PTCHD1: variants seen among roughly 807,000 people sequenced by gnomAD.
PTCHD1 encodes patched domain containing 1.
A neutral mutation model predicts 34.6 loss-of-function variants in PTCHD1; 3 were observed. That is an observed-to-expected ratio of 0.09 (90% CI 0.04 to 0.22). The LOEUF (loss-of-function observed/expected upper bound fraction) is 0.22, where lower values mean the gene tolerates loss of function less well. PTCHD1 is among the 10% of genes least tolerant of loss of function. The pLI, the probability that PTCHD1 is intolerant of heterozygous loss-of-function variation, is 1.00. For synonymous variants in PTCHD1, 305 were observed against 283.1 expected, an observed-to-expected ratio of 1.08 and a Z score of -0.77; for missense variants, 504 against 685.5, an observed-to-expected ratio of 0.74 and a Z score of 2.96.
chrX:23,387,668 C>T (rs190351458), intron 2 of PTCHD1, among the ~76,000 whole-genome samples: 1 of 111,754 alleles, frequency 8.9e-6, no homozygotes, highest in Admixed American at 9.5e-5. Context: ...CTGACAAAAA[C>T]CTCGAGCTGC....
rs1922964484 is a variant in PTCHD1, at chrX:23,395,441, T to G, written c.*1256T>G. 8.9e-6 allele frequency: 1 copy of G among 111,872 alleles called. No individual in the cohort carries two copies. The highest frequency in any genetic ancestry group is 3.3e-5 in the African/African-American group (1 of 30,719). The allele number at this position is 111,872 out of a possible 1,213,427, so 9.2% of individuals were successfully genotyped here. A position where few individuals can be genotyped will look rare whatever the true frequency, so the allele number is the denominator to read the frequency against. On this transcript the variant is annotated 3_prime_UTR_variant, in exon 3 of 3. Transcript: ENST00000379361. ...GGAAAACACTGGAAAAAGTATTCAC[T>G]GATACAAATCTATCAATGATGGCAG...
At chrX:23,364,663 G>A (rs1225312584) in intron 1 of PTCHD1, among the ~76,000 whole-genome samples, 1 of 112,062 alleles carries the variant, frequency 8.9e-6, no homozygotes. Flanking sequence ...ATCACTGCCT[G>A]GGAAGGAATC....
intron 1 of PTCHD1, among the ~76,000 whole-genome samples, chrX:23,344,244 AG>A (rs1346694016): frequency 2.7e-5 from 3 of 112,197 alleles, no homozygotes; most frequent in Admixed American, 9.4e-5. Flanking sequence ...TCTTTGGGCA[AG>A]TCACCTAACC....
Position 23,396,411 on chromosome X carries a change from A to C in PTCHD1, c.*2226A>C, listed in dbSNP as rs1249396135. The C allele has an allele frequency of 5.3e-5, 6 of 112,164 alleles. No individual in the cohort carries two copies. Among genetic ancestry groups the C allele is most frequent in the African/African-American group, 1.6e-4 (5 of 30,882 alleles). 9.2% of individuals were successfully genotyped at this position (112,164 alleles called of 1,213,427 possible). On this transcript the variant is annotated 3_prime_UTR_variant, in exon 3 of 3. Transcript: ENST00000379361. ...CCCGCAACTAGGCTATTATTCATAAAACACAACTGAAGAGGGGATTGGTTT... is the reference window on the plus strand; with the variant it reads ...CCCGCAACTAGGCTATTATTCATAACACACAACTGAAGAGGGGATTGGTTT...
intron 2 of PTCHD1, among the ~76,000 whole-genome samples, chrX:23,389,616 T>A (rs769467595): frequency 8.9e-6 from 1 of 111,919 alleles, no homozygotes; most frequent in African/African-American, 3.2e-5. Context: ...GGAGGCAAAG[T>A]CAGGCACAAC....
chrX:23,370,765 A>C (rs941262507), intron 1 of PTCHD1, among the ~76,000 whole-genome samples: 3 of 112,439 alleles, frequency 2.7e-5, no homozygotes, highest in African/African-American at 9.7e-5. Context: ...TTTTTGATTT[A>C]ACAGTATTAT....
At chrX:23,334,841 G>T (rs1921117012), upstream of PTCHD1, 5 of 1,035,932 alleles carry the variant, frequency 4.8e-6, no homozygotes, top group Non-Finnish European at 6.4e-6. Context: ...CCGAGCGTGC[G>T]CCTCGCCCTC....
In PTCHD1 at chrX:23,380,088, C is replaced by T; in HGVS notation, c.849C>T (p.Ala283=). ...VTSLILVVTM[A]ILCCSMQDCV... Reference sequence around the variant, plus strand: ...GCCTGATTCTGGTGGTTACCATGGCCATCCTGTGTTGCTCTATGCAGGACT... The same window carrying T: ...GCCTGATTCTGGTGGTTACCATGGCTATCCTGTGTTGCTCTATGCAGGACT... Residue 283 remains alanine, a synonymous_variant, in exon 2 of 3, where the codon GCC becomes GCT. Coordinates refer to ENST00000379361, the MANE Select transcript of PTCHD1 (RefSeq NM_173495.3). 8.3e-7 allele frequency: 1 copy of T among 1,211,962 alleles called. No individual in the cohort carries two copies. Among genetic ancestry groups the T allele is most frequent in the Non-Finnish European group, 1.1e-6 (1 of 895,479 alleles).
Position 23,393,083 on chromosome X carries a change from T to A in PTCHD1, c.1565T>A (p.Val522Asp). 2 of 1,211,287 alleles carry A rather than the reference T, an allele frequency of 1.7e-6. No homozygotes were observed. The highest frequency in any genetic ancestry group is 2.2e-6 in the Non-Finnish European group (2 of 894,906). The stretch of plus-strand genomic sequence containing the variant: ...TTTGCCTTAATGGGCTATCTGCAGG[T>A]CAGTGAAGGGTCAGACCTTAGTAAC... ...ISFALMGYLQ[V>D]SEGSDLSNIV... The change falls in exon 3 of 3, where the codon GTC becomes GAC. Residue 522 changes from valine (V) to aspartate (D), a missense_variant. Physicochemically the swap from Val to Asp is radical, Grantham distance 152 (BLOSUM62 -3). Transcript: ENST00000379361.
At chrX:23,388,786 G>A (rs933190611) in intron 2 of PTCHD1, among the ~76,000 whole-genome samples, 2 of 110,926 alleles carry the variant, frequency 1.8e-5, no homozygotes, top group Admixed American at 9.5e-5. Flanking sequence ...AGCAGAGATT[G>A]TGCCACTGCA....
At chrX:23,387,552 C>A (rs1439115349) in intron 2 of PTCHD1, among the ~76,000 whole-genome samples, 1 of 111,899 alleles carries the variant, frequency 8.9e-6, no homozygotes, top group Non-Finnish European at 1.9e-5. Flanking sequence ...TATTAGATGA[C>A]AACCCCAAAG....
chrX:23,388,945 G>C (rs1922754560), intron 2 of PTCHD1, among the ~76,000 whole-genome samples: 1 of 112,035 alleles, frequency 8.9e-6, no homozygotes, highest in African/African-American at 3.2e-5. Flanking sequence ...GCCTCTCCTT[G>C]ACTCCAGGTG....
At position 23,381,843 on chromosome X, in the gene PTCHD1, C is replaced by T. The variant is rs140462196; in HGVS notation, c.1012+1592C>T. Among the ~76,000 whole-genome samples, 283 of 111,742 alleles carry T rather than the reference C, an allele frequency of 2.5e-3. 1 individual carries two copies. The highest frequency in any genetic ancestry group is 8.8e-3 in the African/African-American group (271 of 30,715). On this transcript the variant is annotated intron_variant, in intron 2 of 2. Coordinates refer to ENST00000379361, the MANE Select transcript of PTCHD1 (RefSeq NM_173495.3). ...TGCCGCTTTAAAATCACCCCAAGAC[C>T]GTGTGGGTTGACTGTGGAATACAGA...
chrX:23,363,995 C>A (rs1021478660), intron 1 of PTCHD1, among the ~76,000 whole-genome samples: 2 of 112,444 alleles, frequency 1.8e-5, no homozygotes, highest in African/African-American at 6.5e-5. Flanking sequence ...GGTATTTTCA[C>A]ACAATGGACT....
chrX:23,339,045 G>C (rs979418361), intron 1 of PTCHD1, among the ~76,000 whole-genome samples: 1 of 111,660 alleles, frequency 9.0e-6, no homozygotes, highest in African/African-American at 3.2e-5. Flanking sequence ...TCCTGATTGA[G>C]TGCTGCTCAT....
rs1036393632 is a variant in PTCHD1, at chrX:23,404,027, C to A, written c.*9842C>A. 8.9e-6 allele frequency: 1 copy of A among 112,254 alleles called. No homozygotes were observed. Among genetic ancestry groups the A allele is most frequent in the Non-Finnish European group, 1.9e-5 (1 of 53,274 alleles). 9.3% of individuals were successfully genotyped at this position (112,254 alleles called of 1,213,427 possible). A position where few individuals can be genotyped will look rare whatever the true frequency, so the allele number is the denominator to read the frequency against. Reference sequence around the variant, plus strand: ...GATGATTGGCAATTCCACCGTTCCTCTCCATCTGACCAGCTTTCACCAGAG... The same window carrying A: ...GATGATTGGCAATTCCACCGTTCCTATCCATCTGACCAGCTTTCACCAGAG... On this transcript the variant is annotated 3_prime_UTR_variant, in exon 3 of 3. Transcript: ENST00000379361.
In PTCHD1 at chrX:23,395,991, T is replaced by TA. The variant is rs1233140901; in HGVS notation, c.*1807dup. ...TTCAGTATTCTCATAAGATGGCTATTACTCCTCTCAAAATGCATTTCCAAA... is the reference window on the plus strand; with the variant it reads ...TTCAGTATTCTCATAAGATGGCTATTAACTCCTCTCAAAATGCATTTCCAAA... On this transcript the variant is annotated 3_prime_UTR_variant, in exon 3 of 3. Transcript: ENST00000379361. 8.9e-6 allele frequency: 1 copy of TA among 112,111 alleles called. No homozygotes were observed. Among genetic ancestry groups the TA allele is most frequent in the Non-Finnish European group, 1.9e-5 (1 of 53,205 alleles). 9.2% of individuals were successfully genotyped at this position (112,111 alleles called of 1,213,427 possible). A position where few individuals can be genotyped will look rare whatever the true frequency, so the allele number is the denominator to read the frequency against.
intron 1 of PTCHD1, among the ~76,000 whole-genome samples, chrX:23,376,194 A>C (rs1024098200): frequency 2.7e-5 from 3 of 112,442 alleles, no homozygotes; most frequent in African/African-American, 9.7e-5. Flanking sequence ...TGTGTGTTGA[A>C]TGAATAATCT....
At chrX:23,357,134 G>C (rs1376985685) in intron 1 of PTCHD1, among the ~76,000 whole-genome samples, 1 of 111,927 alleles carries the variant, frequency 8.9e-6, no homozygotes, top group African/African-American at 3.3e-5. Flanking sequence ...CTTTCTTGCA[G>C]TGTTTACAGT....
Sources: gnomAD v4.1 joint callset for allele counts (sites outside exome capture counted in the v4.1 genomes callset) on GRCh38, gnomAD v4.1.1 for gene constraint, MANE v1.5 for transcripts, NCBI Gene and HGNC (gene_info 2026-07-23, HGNC 2026-07-21) for gene names.